The following HCN1 variants were observed in gnomAD, a reference collection of about 807,000 sequenced individuals.
HCN1 encodes hyperpolarization activated cyclic nucleotide gated potassium channel 1.
HCN1 carries 13 observed loss-of-function variants against 78.9 expected under a neutral mutation model. The observed-to-expected ratio is 0.16, with a 90% confidence interval of 0.11 to 0.26. The LOEUF is 0.26. Among genes scored for constraint, HCN1 ranks in the 10% least tolerant of loss-of-function variants. The pLI is 1.00. For synonymous variants in HCN1, 552 were observed against 455.5 expected (o/e 1.21, Z -2.70); for missense variants, 810 against 1,154.3 (o/e 0.70, Z 4.32).
At chr5:45,377,948 C>T (rs1747723692) in intron 4 of HCN1, among the ~76,000 whole-genome samples, 1 of 151,884 alleles carries the variant, frequency 6.6e-6, no homozygotes, top group South Asian at 2.1e-4. Context: ...TCTCCTTACC[C>T]TGTATCCTCA....
chr5:45,373,994 A>T (rs1747510473), intron 4 of HCN1, among the ~76,000 whole-genome samples: 1 of 105,120 alleles, frequency 9.5e-6, no homozygotes, highest in Non-Finnish European at 1.7e-5. Flanking sequence ...AATATATATA[A>T]TATATATTAT....
At chr5:45,554,879 C>T (rs901690987) in intron 2 of HCN1, among the ~76,000 whole-genome samples, 2 of 151,772 alleles carry the variant, frequency 1.3e-5, no homozygotes, top group Admixed American at 1.3e-4. Context: ...GACAATTAAG[C>T]TTTCTCTGAG....
rs1744659882 is a variant in HCN1, at chr5:45,258,210, GATAAT to G, written c.*3706_*3710del. The G allele has an allele frequency of 6.6e-6, 1 of 152,090 alleles. No homozygotes were observed. Among genetic ancestry groups the G allele is most frequent in the Admixed American group, 6.5e-5 (1 of 15,274 alleles). 9.4% of individuals were successfully genotyped at this position (152,090 alleles called of 1,614,324 possible). ...GGAGATTTTTTAAATAGTCCTGAAA[GATAAT>G]AGAGATTGCTCATAATTTGAAGTAG... On this transcript the variant is annotated 3_prime_UTR_variant, in exon 8 of 8. Coordinates refer to ENST00000303230, the MANE Select transcript of HCN1 (RefSeq NM_021072.4).
intron 2 of HCN1, among the ~76,000 whole-genome samples, chr5:45,597,884 A>G (rs995036316): frequency 2.6e-5 from 4 of 152,214 alleles, no homozygotes; most frequent in African/African-American, 9.6e-5. Flanking sequence ...TTCAAGGAGA[A>G]CTACAAACCA....
At chr5:45,478,461 G>A (rs1741571405) in intron 2 of HCN1, among the ~76,000 whole-genome samples, 1 of 152,190 alleles carries the variant, frequency 6.6e-6, no homozygotes, top group African/African-American at 2.4e-5. Flanking sequence ...CTTGTCCGAA[G>A]AGGAACAAGG....
chr5:45,313,779 C>A (rs1279119761), intron 5 of HCN1, among the ~76,000 whole-genome samples: 1 of 151,930 alleles, frequency 6.6e-6, no homozygotes, highest in African/African-American at 2.4e-5. Context: ...GACTGAAGAT[C>A]AAATTAATGA....
intron 5 of HCN1, among the ~76,000 whole-genome samples, chr5:45,316,249 C>T (rs1435594920): frequency 1.3e-5 from 2 of 152,096 alleles, no homozygotes; most frequent in Non-Finnish European, 2.9e-5. Context: ...GGATGCAAGG[C>T]TGGTTCAACA....
At chr5:45,447,063 T>G (rs566304186) in intron 3 of HCN1, among the ~76,000 whole-genome samples, 2 of 152,104 alleles carry the variant, frequency 1.3e-5, no homozygotes, top group Admixed American at 1.3e-4. Flanking sequence ...TAAATGGACT[T>G]AACGCTCCAA....
chr5:45,321,369 A>T (rs957068989), intron 5 of HCN1, among the ~76,000 whole-genome samples: 9 of 151,856 alleles, frequency 5.9e-5, no homozygotes, highest in East Asian at 1.9e-4. Context: ...AGAAGAAGAA[A>T]GTGGTGCTTA....
chr5:45,683,797 A>G (rs1739751656), intron 1 of HCN1, among the ~76,000 whole-genome samples: 1 of 148,824 alleles, frequency 6.7e-6, no homozygotes, highest in Non-Finnish European at 1.5e-5. Context: ...CAGCCTCCCA[A>G]GTTGCTGGGA....
At chr5:45,598,675 A>C (rs1026939042) in intron 2 of HCN1, among the ~76,000 whole-genome samples, 1 of 152,238 alleles carries the variant, frequency 6.6e-6, no homozygotes, top group African/African-American at 2.4e-5. Context: ...CTGTCTGACA[A>C]AGTGCTAATA....
At chr5:45,449,095 G>T (rs1355056288) in intron 3 of HCN1, among the ~76,000 whole-genome samples, 1 of 152,120 alleles carries the variant, frequency 6.6e-6, no homozygotes, top group Admixed American at 6.5e-5. Flanking sequence ...GCGATGGAGT[G>T]ACCTGTCTGA....
chr5:45,688,752 T>C (rs1451634562), intron 1 of HCN1, among the ~76,000 whole-genome samples: 2 of 151,950 alleles, frequency 1.3e-5, no homozygotes, highest in African/African-American at 2.4e-5. Context: ...AACTGATAAA[T>C]GAATAAATTA....
At chr5:45,617,862 G>T (rs1208989784) in intron 2 of HCN1, among the ~76,000 whole-genome samples, 1 of 151,976 alleles carries the variant, frequency 6.6e-6, no homozygotes, top group East Asian at 1.9e-4. Flanking sequence ...TTTAAAAAAA[G>T]ACATTCCAAT....
intron 2 of HCN1, among the ~76,000 whole-genome samples, chr5:45,563,605 A>C (rs1202216965): frequency 3.9e-5 from 6 of 152,182 alleles, no homozygotes. Context: ...AACAGTGTTA[A>C]GTATTCTCAT....
At chr5:45,429,425 TGCTG>T in intron 3 of HCN1, among the ~76,000 whole-genome samples, 1 of 152,236 alleles carries the variant, frequency 6.6e-6, no homozygotes, top group Middle Eastern at 3.4e-3. Context: ...GACAAGTTAG[TGCTG>T]GCTGTGTATT....
chr5:45,553,416 C>T (rs551944114), intron 2 of HCN1, among the ~76,000 whole-genome samples: 50 of 151,882 alleles, frequency 3.3e-4, no homozygotes, highest in East Asian at 1.9e-3. Context: ...ACTATAAATG[C>T]GTATACTGTT....
chr5:45,450,370 A>G (rs1017020688), intron 3 of HCN1, among the ~76,000 whole-genome samples: 18 of 152,230 alleles, frequency 1.2e-4, no homozygotes, highest in Admixed American at 5.2e-4. Flanking sequence ...AGAAGGTAGT[A>G]CAAGTAAGGA....
chr5:45,517,142 T>A (rs1464340873), intron 2 of HCN1, among the ~76,000 whole-genome samples: 1 of 152,128 alleles, frequency 6.6e-6, no homozygotes, highest in East Asian at 1.9e-4. Context: ...AAGTATAAGT[T>A]GTGTGACTTT....
Sources: allele counts gnomAD v4.1 joint callset (sites outside exome capture counted in the v4.1 genomes callset), GRCh38; gene constraint gnomAD v4.1.1; transcripts MANE v1.5; gene names NCBI Gene and HGNC (gene_info 2026-07-23, HGNC 2026-07-21).